Variants in RGS22 observed in about 807,000 individuals in gnomAD.
RGS22 encodes regulator of G-protein signaling 22.
Under a neutral mutation model 172.9 loss-of-function variants are expected in RGS22, and 148 were observed. The ratio of observed to expected loss-of-function variants is 0.86; its 90% CI spans 0.75 to 0.98. The LOEUF is 0.98. Ranked by LOEUF, RGS22 falls within the 50% of genes least tolerant of loss-of-function variation. The pLI is 0.00. For synonymous variants in RGS22, 458 were observed against 480.2 expected, an observed-to-expected ratio of 0.95 and a Z score of 0.60; for missense variants, 1,347 against 1,440.8, an observed-to-expected ratio of 0.93 and a Z score of 1.05.
At chr8:100,062,174 G>C (rs901349068) in intron 9 of RGS22, among the ~76,000 whole-genome samples, 4 of 151,966 alleles carry the variant, frequency 2.6e-5, no homozygotes, top group African/African-American at 9.7e-5. Flanking sequence ...AGGAAGGAGA[G>C]GATCAGGAAA....
At chr8:100,062,536 A>T in intron 9 of RGS22, 55 bp downstream of exon 9, 1 of 1,181,612 alleles carries the variant, frequency 8.5e-7, no homozygotes. Context: ...AAAAAGTATA[A>T]CTCATAACTG....
rs756326740 is a variant in RGS22, at chr8:99,962,392, A to G, written c.*45+2T>C. On this transcript the variant is annotated splice_donor_variant, in intron 27 of 27. Transcript: ENST00000360863. LOFTEE classifies it low-confidence loss of function (3UTR_SPLICE). Reference sequence around the variant, plus strand: ...CCAACCAACATTCAGACTATGACGTACCTTGAACCTATCAGCAGCAGGATG... The same window carrying G: ...CCAACCAACATTCAGACTATGACGTGCCTTGAACCTATCAGCAGCAGGATG... The G allele has an allele frequency of 6.2e-7, 1 of 1,606,778 alleles. No individual in the cohort carries two copies. The highest frequency in any genetic ancestry group is 8.5e-7 in the Non-Finnish European group (1 of 1,173,400).
chr8:99,993,012 G>A (rs183901318), intron 20 of RGS22, among the ~76,000 whole-genome samples: 3 of 152,264 alleles, frequency 2.0e-5, no homozygotes, highest in Non-Finnish European at 2.9e-5. Flanking sequence ...GCTCCTGAAT[G>A]ACTACTGGGT....
At chr8:100,022,126 T>C (rs1409321560) in intron 14 of RGS22, among the ~76,000 whole-genome samples, 3 of 152,154 alleles carry the variant, frequency 2.0e-5, no homozygotes, top group African/African-American at 7.2e-5. Flanking sequence ...CAGATGGATT[T>C]TCATGTGAAG....
intron 12 of RGS22, 48 bp downstream of exon 12, chr8:100,041,754 G>A: frequency 1.0e-6 from 1 of 964,536 alleles, no homozygotes; most frequent in Non-Finnish European, 1.6e-6. Context: ...AGGAGATACT[G>A]ATCAGTTAAA....
In RGS22 at chr8:100,079,318, T is replaced by C. The variant is rs556821486; in HGVS notation, c.339+816A>G. 4.6e-3 allele frequency among the ~76,000 whole-genome samples: 701 copies of C among 152,274 alleles called. 6 individuals carry two copies. The highest frequency in any genetic ancestry group is 0.016 in the African/African-American group (662 of 41,560). On this transcript the variant is annotated intron_variant, in intron 4 of 27. Coordinates refer to ENST00000360863, the MANE Select transcript of RGS22 (RefSeq NM_015668.5). ...CTATTAGCATTTAGTTTGATGAAAG[T>C]TAAAGATAGAAACTATTAGCATTTA... is the stretch of plus-strand genomic sequence containing the variant.
At chr8:100,054,362 G>A (rs1338040179) in intron 9 of RGS22, 1 of 154,164 alleles carries the variant, frequency 6.5e-6, no homozygotes, top group East Asian at 1.9e-4. Context: ...GGGAAGCCAT[G>A]GTGGGAGGAT....
chr8:100,077,831 A>G (rs1811463874), intron 4 of RGS22, among the ~76,000 whole-genome samples: 1 of 152,202 alleles, frequency 6.6e-6, no homozygotes, highest in Admixed American at 6.5e-5. Flanking sequence ...GTCTCCAACT[A>G]TAACTATAAA....
rs569340418 is a variant in RGS22, at chr8:100,077,094, T to C, written c.339+3040A>G. ...TTATTTTTTTTAACTGCCTGTAAAATTTGTAATGACATCCCCTTTTCATTT... is the reference window on the plus strand; with the variant it reads ...TTATTTTTTTTAACTGCCTGTAAAACTTGTAATGACATCCCCTTTTCATTT... On this transcript the variant is annotated intron_variant, in intron 4 of 27. Coordinates refer to ENST00000360863, the MANE Select transcript of RGS22 (RefSeq NM_015668.5). Among the ~76,000 whole-genome samples, 11 of 152,312 alleles carry C rather than the reference T, an allele frequency of 7.2e-5. No individual in the cohort carries two copies. In the East Asian group the frequency reaches 2.1e-3, roughly 29 times the overall value.
At position 99,978,010 on chromosome 8, in the gene RGS22, T is replaced by A; in HGVS notation, c.3426A>T (p.Thr1142=). 2.6e-6 allele frequency: 4 copies of A among 1,549,446 alleles called. No individual in the cohort carries two copies. The highest frequency in any genetic ancestry group is 3.5e-6 in the Non-Finnish European group (4 of 1,157,388). ...CTAAAACACTCATAATATTTTCATC[T>A]GTTAAATTCTTCCTAAACTCACAGA... ...PQFCEFRKNL[T]DENIMSVLER... Residue 1142 remains threonine, a synonymous_variant, in exon 23 of 28, where the codon ACA becomes ACT. Transcript: ENST00000360863.
intron 14 of RGS22, among the ~76,000 whole-genome samples, chr8:100,015,041 G>C (rs1816798966): frequency 6.6e-6 from 1 of 152,214 alleles, no homozygotes; most frequent in East Asian, 1.9e-4. Context: ...TTTAGAATGA[G>C]TGGATGAATG....
rs1332399943 is a variant in RGS22 at position 99,965,450 on chromosome 8, AATT to A, written c.3520-23_3520-21del. The A allele has an allele frequency of 6.7e-7, 1 of 1,484,702 alleles. No individual in the cohort carries two copies. Among genetic ancestry groups the A allele is most frequent in the Non-Finnish European group, 9.3e-7 (1 of 1,075,660 alleles). 92.0% of individuals were successfully genotyped at this position (1,484,702 alleles called of 1,614,324 possible). ...TCCATCCTGTAATTATATTAAATTA[AATT>A]ATTACCCAGAAAAGATAATGATATG... On this transcript the variant is annotated intron_variant, in intron 23 of 27. Transcript: ENST00000360863.
At chr8:99,979,199 A>T (rs190111016) in intron 22 of RGS22, among the ~76,000 whole-genome samples, 4 of 152,284 alleles carry the variant, frequency 2.6e-5, no homozygotes, top group Admixed American at 2.6e-4. Context: ...TTTTATTATG[A>T]ACTGAAGCTT....
chr8:100,047,571 G>C lies in RGS22; in HGVS notation c.1715C>G (p.Pro572Arg). 1 of 1,610,158 alleles carries C rather than the reference G, an allele frequency of 6.2e-7. No individual in the cohort carries two copies. The highest frequency in any genetic ancestry group is 8.5e-7 in the Non-Finnish European group (1 of 1,178,816). Reference protein sequence around the residue: ...IQKEEFSLSQPPKSPNKSPEV... With the variant: ...IQKEEFSLSQRPKSPNKSPEV... ...AGGTGATTTATTGGGAGATTTAGGA[G>C]GTTGTGATAAGCTGAATTCTTCTTT... is the stretch of plus-strand genomic sequence containing the variant. Residue 572 changes from proline (P) to arginine (R), a missense_variant, in exon 11 of 28, where the codon CCT becomes CGT. Pro to Arg is a moderately radical substitution (Grantham distance 103). Transcript: ENST00000360863.
In RGS22 at chr8:100,063,597, T is replaced by G; in HGVS notation, c.1171A>C (p.Ser391Arg). ...EQTSLSSKNE[S>R]AGPESRADWC... The stretch of plus-strand genomic sequence containing the variant: ...TCCGCCCTGCTCTCTGGTCCAGCGC[T>G]CTCATTCTTTGAACTTAAACTTGTT... Residue 391 changes from serine (S) to arginine (R), a missense_variant, in exon 8 of 28, where the codon AGC becomes CGC. Physicochemically the swap from Ser to Arg is moderately radical, Grantham distance 110 (BLOSUM62 -1). Coordinates refer to ENST00000360863, the MANE Select transcript of RGS22 (RefSeq NM_015668.5). 6.2e-7 allele frequency: 1 copy of G among 1,614,090 alleles called. No homozygotes were observed. Among genetic ancestry groups the G allele is most frequent in the South Asian group, 1.1e-5 (1 of 91,090 alleles).
In RGS22 at chr8:100,083,815, C is replaced by T. The variant is rs374550626; in HGVS notation, c.118-3460G>A. Among the ~76,000 whole-genome samples, 21 of 150,440 alleles carry T rather than the reference C, an allele frequency of 1.4e-4. No individual in the cohort carries two copies. The South Asian group carries it at 1.9e-3, about 14-fold the overall frequency. ...CAACTGCTTTAAACCTAGAACTGAC[C>T]GCGTAATTTCTTTTCTTTTTTTTTT... On this transcript the variant is annotated intron_variant, in intron 3 of 27. Transcript: ENST00000360863.
intron 11 of RGS22, among the ~76,000 whole-genome samples, chr8:100,045,725 A>G (rs1820649229): frequency 6.6e-6 from 1 of 150,458 alleles, no homozygotes; most frequent in South Asian, 2.1e-4. Context: ...ATGATATATA[A>G]TATATATATT....
intron 6 of RGS22, among the ~76,000 whole-genome samples, chr8:100,068,054 T>C: frequency 6.6e-6 from 1 of 152,150 alleles, no homozygotes; most frequent in East Asian, 1.9e-4. Flanking sequence ...TCCAAGAACT[T>C]TGAATCTGCA....
intron 22 of RGS22, among the ~76,000 whole-genome samples, chr8:99,978,369 C>A (rs1812207688): frequency 6.6e-6 from 1 of 152,090 alleles, no homozygotes; most frequent in Non-Finnish European, 1.5e-5. Context: ...TCCATTAGGT[C>A]TTTTAAAATA....
Sources: gnomAD v4.1 joint callset for allele counts (sites outside exome capture counted in the v4.1 genomes callset) on GRCh38, gnomAD v4.1.1 for gene constraint, MANE v1.5 for transcripts, NCBI Gene and HGNC (gene_info 2026-07-23, HGNC 2026-07-21) for gene names.